The following EXOC2 variants were observed in gnomAD, a reference collection of about 807,000 sequenced individuals.
EXOC2 encodes the protein exocyst complex component 2.
EXOC2 carries 70 observed loss-of-function variants against 131.8 expected under a neutral mutation model. The ratio of observed to expected loss-of-function variants is 0.53; its 90% CI spans 0.44 to 0.65. EXOC2 has a LOEUF of 0.65. Among genes scored for constraint, EXOC2 ranks in the 30% least tolerant of loss-of-function variants. The pLI is 0.00. For synonymous variants in EXOC2, 411 were observed against 398.4 expected (o/e 1.03, Z -0.38); for missense variants, 923 against 1,108.6 (o/e 0.83, Z 2.38).
Position 563,130 on chromosome 6 carries a change from T to C in EXOC2, c.1790-285A>G, listed in dbSNP as rs535203816. Among the ~76,000 whole-genome samples the C allele has an allele frequency of 1.6e-4, 24 of 152,366 alleles. 1 individual carries two copies. The highest frequency in any genetic ancestry group is 5.8e-4 in the African/African-American group (24 of 41,592). On this transcript the variant is annotated intron_variant, in intron 16 of 27. Transcript: ENST00000230449. ...ATGACAACTTGAGACAATCATTTATTACTTATTCAGGATTCTTCACAACAC... is the reference window on the plus strand; with the variant it reads ...ATGACAACTTGAGACAATCATTTATCACTTATTCAGGATTCTTCACAACAC...
At chr6:580,010 T>C (rs1581482571) in intron 11 of EXOC2, among the ~76,000 whole-genome samples, 1 of 151,882 alleles carries the variant, frequency 6.6e-6, no homozygotes, top group Non-Finnish European at 1.5e-5. Flanking sequence ...ACTATACACA[T>C]TACATAAAGC....
intron 1 of EXOC2, among the ~76,000 whole-genome samples, chr6:664,770 C>T (rs140009140): frequency 1.1e-3 from 164 of 152,310 alleles, no homozygotes; most frequent in African/African-American, 3.8e-3. Flanking sequence ...TCGTCTCTCA[C>T]CTTATACAAA....
chr6:685,155 C>T (rs943414114), intron 1 of EXOC2, among the ~76,000 whole-genome samples: 1 of 149,804 alleles, frequency 6.7e-6, no homozygotes, highest in Admixed American at 6.7e-5. Context: ...CACACACAAC[C>T]CTCCCAAACG....
chr6:583,259 A>G (rs1299610224), intron 11 of EXOC2, among the ~76,000 whole-genome samples: 3 of 152,232 alleles, frequency 2.0e-5, no homozygotes, highest in South Asian at 2.1e-4. Flanking sequence ...TGTGTTTGAC[A>G]TTCATCATCA....
At chr6:538,245 T>A (rs926003956) in intron 22 of EXOC2, among the ~76,000 whole-genome samples, 3 of 152,200 alleles carry the variant, frequency 2.0e-5, no homozygotes, top group African/African-American at 7.2e-5. Context: ...GAAACTTGCA[T>A]AGCACACTGA....
At chr6:653,722 G>C (rs1240102891) in intron 1 of EXOC2, among the ~76,000 whole-genome samples, 1 of 152,240 alleles carries the variant, frequency 6.6e-6, no homozygotes, top group African/African-American at 2.4e-5. Context: ...TAAGATCACT[G>C]ATGAAGGTGG....
At chr6:630,245 G>T (rs563057520) in intron 3 of EXOC2, among the ~76,000 whole-genome samples, 1 of 150,160 alleles carries the variant, frequency 6.7e-6, no homozygotes, top group South Asian at 2.1e-4. Context: ...ACAAAGTTTT[G>T]CAATAACAAA....
At chr6:609,401 A>G (rs190722692) in intron 7 of EXOC2, among the ~76,000 whole-genome samples, 1 of 152,362 alleles carries the variant, frequency 6.6e-6, no homozygotes, top group African/African-American at 2.4e-5. Flanking sequence ...TATAGTTGTG[A>G]AAAGATTTAT....
chr6:656,878 C>A (rs151331596), intron 1 of EXOC2: 4 of 1,603,856 alleles, frequency 2.5e-6, no homozygotes, highest in South Asian at 2.2e-5. Context: ...AGCCTCGCGA[C>A]GGTGCCGCTG....
chr6:613,305 C>T (rs1167249711), intron 6 of EXOC2, among the ~76,000 whole-genome samples: 3 of 151,950 alleles, frequency 2.0e-5, no homozygotes, highest in Non-Finnish European at 2.9e-5. Flanking sequence ...GAAACAAAAC[C>T]GACAATGGCA....
chr6:526,122 T>C (rs925584187), intron 23 of EXOC2, among the ~76,000 whole-genome samples: 2 of 152,206 alleles, frequency 1.3e-5, no homozygotes, highest in African/African-American at 4.8e-5. Context: ...ATTCTATACA[T>C]ATAAATGTGT....
intron 22 of EXOC2, among the ~76,000 whole-genome samples, chr6:541,311 A>C (rs1440101096): frequency 6.6e-6 from 1 of 152,262 alleles, no homozygotes; most frequent in Non-Finnish European, 1.5e-5. Flanking sequence ...AAACATGGGA[A>C]ACACAGCTAA....
At chr6:546,272 T>A (rs1043854358) in intron 22 of EXOC2, among the ~76,000 whole-genome samples, 7 of 152,178 alleles carry the variant, frequency 4.6e-5, no homozygotes, top group Non-Finnish European at 8.8e-5. Context: ...TGAAAATGCA[T>A]GCACATGGCA....
intron 23 of EXOC2, among the ~76,000 whole-genome samples, chr6:512,832 C>G (rs1764927214): frequency 6.6e-6 from 1 of 152,180 alleles, no homozygotes; most frequent in African/African-American, 2.4e-5. Context: ...ATGGGGAAAA[C>G]AGTATCTAAC....
intron 23 of EXOC2, 127 bp downstream of exon 23, chr6:532,342 A>T: frequency 9.3e-7 from 1 of 1,080,662 alleles, no homozygotes; most frequent in Non-Finnish European, 1.2e-6. Context: ...ACAAAAAGTT[A>T]AAATCAAATT....
intron 4 of EXOC2, among the ~76,000 whole-genome samples, chr6:623,505 A>C (rs997318031): frequency 7.6e-4 from 115 of 152,238 alleles, no homozygotes; most frequent in African/African-American, 2.5e-3. Context: ...CATTATTTTC[A>C]AGATGGTGAA....
At chr6:641,051 T>C (rs1277497692) in intron 1 of EXOC2, among the ~76,000 whole-genome samples, 1 of 152,186 alleles carries the variant, frequency 6.6e-6, no homozygotes, top group Non-Finnish European at 1.5e-5. Context: ...TATACAGTCA[T>C]AATAATGTAG....
intron 2 of EXOC2, 139 bp from the exon 3 acceptor site, chr6:633,256 T>C: frequency 1.1e-6 from 1 of 915,804 alleles, no homozygotes; most frequent in Non-Finnish European, 1.6e-6. Context: ...GCAGATATAC[T>C]GTTATCTCTA....
At chr6:607,218 C>A (rs1047592849) in intron 7 of EXOC2, among the ~76,000 whole-genome samples, 2 of 152,210 alleles carry the variant, frequency 1.3e-5, no homozygotes, top group Non-Finnish European at 2.9e-5. Flanking sequence ...GAAACCTGCG[C>A]CTATCAAAAC....
Sources: allele counts gnomAD v4.1 joint callset (sites outside exome capture counted in the v4.1 genomes callset), GRCh38; gene constraint gnomAD v4.1.1; transcripts MANE v1.5; gene names NCBI Gene and HGNC (gene_info 2026-07-23, HGNC 2026-07-21).